SLC30A3: variants seen among roughly 807,000 people sequenced by gnomAD.
The protein encoded by SLC30A3 is probable proton-coupled zinc antiporter SLC30A3.
SLC30A3 carries 20 observed loss-of-function variants against 35.6 expected under a neutral mutation model. That is an observed-to-expected ratio of 0.56 (90% confidence interval 0.39 to 0.82). The LOEUF (loss-of-function observed/expected upper bound fraction) is 0.82. Among genes scored for constraint, SLC30A3 ranks in the 40% least tolerant of loss-of-function variants. The probability of loss-of-function intolerance (pLI) is 0.00; values close to 1 mark genes in which losing one functional copy is unlikely to be tolerated. For missense variants in SLC30A3, 401 were observed against 530.6 expected, an observed-to-expected ratio of 0.76 and a Z score of 2.40; for synonymous variants, 217 against 224.7, an observed-to-expected ratio of 0.97 and a Z score of 0.31.
At position 27,257,802 on chromosome 2, in the gene SLC30A3, G is replaced by T; in HGVS notation, c.578+103C>A. 1 of 1,167,900 alleles carries T rather than the reference G, an allele frequency of 8.6e-7. No individual in the cohort carries two copies. The highest frequency in any genetic ancestry group is 1.2e-6 in the Non-Finnish European group (1 of 813,354). 72.3% of individuals were successfully genotyped at this position (1,167,900 alleles called of 1,614,324 possible). On this transcript the variant is annotated intron_variant, in intron 4 of 7. Coordinates refer to ENST00000233535, the MANE Select transcript of SLC30A3 (RefSeq NM_003459.5). The surrounding 1 kb of genome is among the most constrained non-coding windows in gnomAD (Gnocchi z 4.7). Reference sequence around the variant, plus strand: ...GCAGCCCATGGAGAGCTGTGTGTGCGTGTCTGTGTGTCTGGTGGGGAGGAG... The same window carrying T: ...GCAGCCCATGGAGAGCTGTGTGTGCTTGTCTGTGTGTCTGGTGGGGAGGAG...
Position 27,257,095 on chromosome 2 carries a change from G to C in SLC30A3, c.777+59C>G. 1 of 1,526,850 alleles carries C rather than the reference G, an allele frequency of 6.5e-7. No individual in the cohort carries two copies. Among genetic ancestry groups the C allele is most frequent in the Non-Finnish European group, 9.1e-7 (1 of 1,101,998 alleles). The allele number at this position is 1,526,850 out of a possible 1,614,324, so 94.6% of individuals were successfully genotyped here. A position where few individuals can be genotyped will look rare whatever the true frequency, so the allele number is the denominator to read the frequency against. ...GAAGGAAGCTTTGGGACCTGGGAAG[G>C]AGTGGGCTGGGATGTGGTTGTGGGG... On this transcript the variant is annotated intron_variant, in intron 5 of 7. Coordinates refer to ENST00000233535, the MANE Select transcript of SLC30A3 (RefSeq NM_003459.5). This position sits in a 1 kb window ranked among gnomAD's most constrained non-coding sequence, Gnocchi z 4.7.
intron 1 of SLC30A3, among the ~76,000 whole-genome samples, chr2:27,261,721 A>G (rs1485517034): frequency 6.6e-6 from 1 of 152,102 alleles, no homozygotes; most frequent in African/African-American, 2.4e-5. Flanking sequence ...TGAGCGGGGA[A>G]GAGGGGTGAC....
Position 27,256,822 on chromosome 2 carries a change from G to A in SLC30A3, c.849C>T (p.Pro283=), listed in dbSNP as rs1172018078. Residue 283 remains proline (P), a synonymous_variant, in exon 6 of 8, where the codon CCC becomes CCT. Transcript: ENST00000233535. ...GGATTCGAAGAACGTCTCGGAGGGTGGGAGCGGTGGATCCAAGGGCACAGA... is the reference window on the plus strand; with the variant it reads ...GGATTCGAAGAACGTCTCGGAGGGTAGGAGCGGTGGATCCAAGGGCACAGA... ...FSICALGSTA[P]TLRDVLRILM... is the part of the protein sequence containing the mutation. 5 of 1,606,834 alleles carry A rather than the reference G, an allele frequency of 3.1e-6. No homozygotes were observed. The highest frequency in any genetic ancestry group is 4.2e-6 in the Non-Finnish European group (5 of 1,178,202).
In SLC30A3 at chr2:27,255,453, G is replaced by C. The variant is rs762998593; in HGVS notation, c.1026C>G (p.Thr342=). 4 of 1,613,206 alleles carry C rather than the reference G, an allele frequency of 2.5e-6. No individual in the cohort carries two copies. Among genetic ancestry groups the C allele is most frequent in the African/African-American group, 1.3e-5 (1 of 75,028 alleles). ...CAGCCAGGACGGCTTCAGGGTCAGC[G>C]GTGGAGTCTGTGGGAGAGTGATAAG... The part of the protein sequence containing the change: ...VASAHLAIDS[T]ADPEAVLAEA... Residue 342 remains threonine, a synonymous_variant, in exon 8 of 8, where the codon ACC becomes ACG. Coordinates refer to ENST00000233535, the MANE Select transcript of SLC30A3 (RefSeq NM_003459.5). The surrounding 1 kb of genome is among the most constrained non-coding windows in gnomAD (Gnocchi z 5.2).
chr2:27,274,656 A>G (rs1458081295), intron 1 of SLC30A3, among the ~76,000 whole-genome samples: 1 of 151,964 alleles, frequency 6.6e-6, no homozygotes, highest in African/African-American at 2.4e-5. Flanking sequence ...AGTTAGCAAT[A>G]GAGATCAAGA....
In SLC30A3 at chr2:27,256,533, C is replaced by A. The variant is rs375407116; in HGVS notation, c.884-13G>T. ...TTGCGGGGGGTACCTGCAACCAGCA[C>A]CAGTCATGCCTTACTGCTAGGGCTA... is the stretch of plus-strand genomic sequence containing the variant. On this transcript the variant is annotated splice_polypyrimidine_tract_variant and intron_variant, in intron 6 of 7. Transcript: ENST00000233535. 8.7e-6 allele frequency: 14 copies of A among 1,613,792 alleles called. No homozygotes were observed. Among genetic ancestry groups the A allele is most frequent in the Middle Eastern group, 1.6e-4 (1 of 6,084 alleles).
At position 27,257,028 on chromosome 2, in the gene SLC30A3, G is replaced by A; in HGVS notation, c.777+126C>T. ...GGACAGGGAACATGACTCATGTCTGGGAGAGTCCTGGGAGGTGGGAGGGAG... is the reference window on the plus strand; with the variant it reads ...GGACAGGGAACATGACTCATGTCTGAGAGAGTCCTGGGAGGTGGGAGGGAG... On this transcript the variant is annotated intron_variant, in intron 5 of 7. Transcript: ENST00000233535. The surrounding 1 kb of genome is among the most constrained non-coding windows in gnomAD (Gnocchi z 4.7). 8.6e-7 allele frequency: 1 copy of A among 1,160,670 alleles called. No homozygotes were observed. Among genetic ancestry groups the A allele is most frequent in the Admixed American group, 1.9e-5 (1 of 51,814 alleles). The allele number at this position is 1,160,670 out of a possible 1,614,324, so 71.9% of individuals were successfully genotyped here. A position where few individuals can be genotyped will look rare whatever the true frequency, so the allele number is the denominator to read the frequency against.
In SLC30A3 at chr2:27,255,371, C is replaced by T. The variant is rs1407433914; in HGVS notation, c.1108G>A (p.Glu370Lys). 1.2e-6 allele frequency: 2 copies of T among 1,614,152 alleles called. No homozygotes were observed. The highest frequency in any genetic ancestry group is 2.2e-5 in the East Asian group (1 of 44,876). ...FGFSSCTLQVEQYQPEMAQCL... is the reference protein window; with the variant it reads ...FGFSSCTLQVKQYQPEMAQCL... ...TGGGCCATCTCCGGCTGATACTGCT[C>T]GACCTGCAGGGTGCAGCTGGAGAAT... The change falls in exon 8 of 8, where the codon GAG becomes AAG. Residue 370 changes from glutamate (E) to lysine (K), a missense_variant. Physicochemically the swap from Glu to Lys is moderately conservative, Grantham distance 56 (BLOSUM62 1). Around this residue, in one of 3 missense-constraint regions of SLC30A3, gnomAD observed 296 missense variants for 392.6 expected, o/e 0.75. Transcript: ENST00000233535. This position sits in a 1 kb window ranked among gnomAD's most constrained non-coding sequence, Gnocchi z 5.2.
rs371322263 is a variant in SLC30A3, at chr2:27,257,395, G to A, written c.579-43C>T. On this transcript the variant is annotated intron_variant, in intron 4 of 7. Coordinates refer to ENST00000233535, the MANE Select transcript of SLC30A3 (RefSeq NM_003459.5). This position sits in a 1 kb window ranked among gnomAD's most constrained non-coding sequence, Gnocchi z 4.7. ...CACCTCAGCCTAGGGCCCTGCTCCTGGCCTCCTATACCCCCATCTCCATGT... is the reference window on the plus strand; with the variant it reads ...CACCTCAGCCTAGGGCCCTGCTCCTAGCCTCCTATACCCCCATCTCCATGT... The A allele has an allele frequency of 1.2e-5, 19 of 1,545,432 alleles. No individual in the cohort carries two copies. Among genetic ancestry groups the A allele is most frequent in the Middle Eastern group, 1.7e-4 (1 of 5,982 alleles).
At chr2:27,256,960 T>G in intron 5 of SLC30A3, 67 bp from the exon 6 acceptor site, 2 of 1,242,162 alleles carry the variant, frequency 1.6e-6, no homozygotes, top group South Asian at 1.3e-5. Flanking sequence ...AGGGGTATCT[T>G]GAACAAACAT....
Position 27,270,802 on chromosome 2 carries a change from G to T in SLC30A3, c.-159+4375C>A, listed in dbSNP as rs145465153. ...TCCCATCCTGAGATGTCTGGCCTGG[G>T]AAGCAGAGGCAAACACAATTGGGTG... On this transcript the variant is annotated intron_variant, in intron 1 of 5. Coordinates refer to the SLC30A3 transcript ENST00000424577. Among the ~76,000 whole-genome samples the T allele has an allele frequency of 6.6e-5, 10 of 152,228 alleles. No individual in the cohort carries two copies. In the East Asian group the frequency reaches 1.9e-3, roughly 29 times the overall value.
At chr2:27,268,801 C>T (rs1432427561) in intron 1 of SLC30A3, among the ~76,000 whole-genome samples, 3 of 151,952 alleles carry the variant, frequency 2.0e-5, no homozygotes, top group African/African-American at 4.8e-5. Flanking sequence ...ATAAGGTCAG[C>T]GTTCACTGCC....
chr2:27,269,640 T>C (rs1209165053), intron 1 of SLC30A3, among the ~76,000 whole-genome samples: 2 of 151,842 alleles, frequency 1.3e-5, no homozygotes, highest in Non-Finnish European at 2.9e-5. Flanking sequence ...ACTGACTCTC[T>C]AAAGAAGAGA....
upstream of SLC30A3, among the ~76,000 whole-genome samples, chr2:27,263,769 C>T (rs1479365834): frequency 1.4e-5 from 2 of 146,002 alleles, no homozygotes; most frequent in East Asian, 2.0e-4. Flanking sequence ...TTTCCCTCCC[C>T]GGCTCTGGAC....
At chr2:27,275,513 G>C (rs1178021045), upstream of SLC30A3, 2 of 330,232 alleles carry the variant, frequency 6.1e-6, no homozygotes, top group Non-Finnish European at 1.2e-5. Flanking sequence ...ACACCCAAAA[G>C]GATGAAGGGC....
upstream of SLC30A3, among the ~76,000 whole-genome samples, chr2:27,264,480 C>CCGG (rs1188491593): frequency 1.3e-5 from 2 of 152,216 alleles, no homozygotes; most frequent in East Asian, 3.8e-4. The surrounding 1 kb of genome is among the most constrained non-coding windows in gnomAD (Gnocchi z 6.1). Flanking sequence ...GCTGGCTGTT[C>CCGG]CGGCGGGGGA....
At position 27,255,637 on chromosome 2, in the gene SLC30A3, T is replaced by C. The variant is rs192488750; in HGVS notation, c.1019-177A>G. 1.5e-6 allele frequency: 1 copy of C among 653,684 alleles called. No individual in the cohort carries two copies. Among genetic ancestry groups the C allele is most frequent in the East Asian group, 2.8e-5 (1 of 35,868 alleles). The allele number at this position is 653,684 out of a possible 1,614,324, so 40.5% of individuals were successfully genotyped here. ...GTGTCAAATCAAATGTTGGAGAGAC[T>C]CACCCCAATCAACCATGCTAACACA... On this transcript the variant is annotated intron_variant, in intron 7 of 7. Transcript: ENST00000233535. The surrounding 1 kb of genome is among the most constrained non-coding windows in gnomAD (Gnocchi z 5.2).
At position 27,258,207 on chromosome 2, in the gene SLC30A3, G is replaced by A. The variant is rs1459027395; in HGVS notation, c.378C>T (p.Ser126=). 26 of 1,598,104 alleles carry A rather than the reference G, an allele frequency of 1.6e-5. No homozygotes were observed. Among genetic ancestry groups the A allele is most frequent in the Non-Finnish European group, 2.2e-5 (26 of 1,170,612 alleles). ...MMGSLFSLWL[S]TRPATRTMTF... is the part of the protein sequence containing the mutation. Reference sequence around the variant, plus strand: ...TCATGGTGCGGGTGGCTGGACGGGTGGAGAGCCAGAGGGAGAAGAGGCTGC... The same window carrying A: ...TCATGGTGCGGGTGGCTGGACGGGTAGAGAGCCAGAGGGAGAAGAGGCTGC... The change falls in exon 3 of 8, where the codon TCC becomes TCT. Residue 126 remains serine (S), a synonymous_variant. Coordinates refer to ENST00000233535, the MANE Select transcript of SLC30A3 (RefSeq NM_003459.5). This position sits in a 1 kb window ranked among gnomAD's most constrained non-coding sequence, Gnocchi z 4.0.
chr2:27,267,274 T>TGGA, upstream of SLC30A3, among the ~76,000 whole-genome samples: 1 of 152,324 alleles, frequency 6.6e-6, no homozygotes, highest in East Asian at 1.9e-4. Context: ...ATGGTCTCCA[T>TGGA]GTTTCCATCC....
Sources: allele counts gnomAD v4.1 joint callset (sites outside exome capture counted in the v4.1 genomes callset), GRCh38; gene constraint gnomAD v4.1.1; regional missense constraint gnomAD v4.1.1; non-coding constraint Gnocchi (gnomAD v3.1); transcripts MANE v1.5; gene names NCBI Gene and HGNC (gene_info 2026-07-23, HGNC 2026-07-21).